The following AFAP1L1 variants were observed in gnomAD, a reference collection of about 807,000 sequenced individuals.
AFAP1L1 encodes the protein actin filament-associated protein 1-like 1.
A neutral mutation model predicts 99.8 loss-of-function variants in AFAP1L1; 77 were observed. The ratio of observed to expected loss-of-function variants is 0.77; its 90% CI spans 0.64 to 0.93. The LOEUF (loss-of-function observed/expected upper bound fraction) is 0.93, where lower values mean the gene tolerates loss of function less well. Among genes scored for constraint, AFAP1L1 ranks in the 40% least tolerant of loss-of-function variants. The probability of loss-of-function intolerance (pLI) is 0.00; values close to 1 mark genes in which losing one functional copy is unlikely to be tolerated. For missense variants in AFAP1L1, 893 were observed against 996.8 expected (o/e 0.90, Z 1.40); for synonymous variants, 373 against 395.3 (o/e 0.94, Z 0.67).
Position 149,342,703 on chromosome 5 carries a change from G to C in AFAP1L1, c.*2673G>C, listed in dbSNP as rs1757588940. Among the ~76,000 whole-genome samples the C allele has an allele frequency of 6.6e-6, 1 of 152,198 alleles. No individual in the cohort carries two copies. Among genetic ancestry groups the C allele is most frequent in the African/African-American group, 2.4e-5 (1 of 41,448 alleles). ...GAAGCGGGTGGATCACTTGAGGTCA[G>C]GAGTTCAAGACCAGCCTGGCCAACA... On this transcript the variant is annotated 3_prime_UTR_variant, in exon 19 of 19. Transcript: ENST00000296721.
rs1464639649 is a variant in AFAP1L1, at chr5:149,342,345, C to G, written c.*2315C>G. On this transcript the variant is annotated 3_prime_UTR_variant, in exon 19 of 19. Transcript: ENST00000296721. Reference sequence around the variant, plus strand: ...AGCTCACAGAGGTCAGGTAACTTGTCCAAGCTCCCATAGTTCTTATATTTA... The same window carrying G: ...AGCTCACAGAGGTCAGGTAACTTGTGCAAGCTCCCATAGTTCTTATATTTA... Among the ~76,000 whole-genome samples the G allele has an allele frequency of 6.6e-6, 1 of 152,180 alleles. No homozygotes were observed. The highest frequency in any genetic ancestry group is 1.5e-5 in the Non-Finnish European group (1 of 68,032).
intron 15 of AFAP1L1, among the ~76,000 whole-genome samples, chr5:149,324,968 G>T (rs1158912057): frequency 6.6e-6 from 1 of 152,182 alleles, no homozygotes; most frequent in African/African-American, 2.4e-5. Context: ...GGTTACACAG[G>T]TCAGCACTGT....
chr5:149,274,614 C>T (rs1050637195), intron 1 of AFAP1L1, among the ~76,000 whole-genome samples: 2 of 152,204 alleles, frequency 1.3e-5, no homozygotes, highest in African/African-American at 4.8e-5. Context: ...CACAGTGGCT[C>T]ACGCCCATAA....
chr5:149,285,501 C>T (rs535520996), intron 1 of AFAP1L1, among the ~76,000 whole-genome samples: 1 of 152,102 alleles, frequency 6.6e-6, no homozygotes, highest in Non-Finnish European at 1.5e-5. Context: ...AATGATGAAA[C>T]CTGCCTGGGT....
At chr5:149,308,943 A>C (rs1756522266) in intron 7 of AFAP1L1, among the ~76,000 whole-genome samples, 1 of 152,068 alleles carries the variant, frequency 6.6e-6, no homozygotes, top group African/African-American at 2.4e-5. Context: ...AAAAAAAAAA[A>C]AAAACCAATG....
intron 1 of AFAP1L1, among the ~76,000 whole-genome samples, chr5:149,297,702 G>C (rs972322035): frequency 8.5e-5 from 13 of 152,100 alleles, no homozygotes; most frequent in Non-Finnish European, 1.9e-4. Flanking sequence ...TCCTAGTGTG[G>C]TCATCTGTTC....
intron 7 of AFAP1L1, among the ~76,000 whole-genome samples, chr5:149,309,060 A>G (rs1756527563): frequency 6.6e-6 from 1 of 152,142 alleles, no homozygotes; most frequent in Non-Finnish European, 1.5e-5. Context: ...GCAGTGAGCT[A>G]TGATCACAGC....
chr5:149,317,050 A>G (rs1756817647), intron 11 of AFAP1L1, among the ~76,000 whole-genome samples: 1 of 152,130 alleles, frequency 6.6e-6, no homozygotes, highest in African/African-American at 2.4e-5. Flanking sequence ...CTGTAATCCC[A>G]GCTACTTGGG....
rs143787310 is a variant in AFAP1L1, at chr5:149,341,866, T to G, written c.*1836T>G. ...GAGGAAATTACTTTTCAGTGTTCTT[T>G]TTTAAAACGTGGATCCTGAAATGTC... On this transcript the variant is annotated 3_prime_UTR_variant, in exon 19 of 19. Transcript: ENST00000296721. The G allele has an allele frequency of 3.3e-5, 5 of 152,366 alleles. No homozygotes were observed. Among genetic ancestry groups the G allele is most frequent in the Middle Eastern group, 3.4e-3 (1 of 294 alleles). The allele number at this position is 152,366 out of a possible 1,614,324, so 9.4% of individuals were successfully genotyped here.
intron 9 of AFAP1L1, 85 bp downstream of exon 9, chr5:149,312,289 G>A (rs754264450): frequency 2.8e-6 from 4 of 1,417,060 alleles, no homozygotes; most frequent in African/African-American, 1.4e-5. Flanking sequence ...AACTGGCTGG[G>A]GGGAAAGTCA....
rs531091542 is a variant in AFAP1L1, at chr5:149,342,378, G to C, written c.*2348G>C. ...CCATAGTTCTTATATTTACATGCTGGTGGAGCCAGCATGTGAATATAAGAA... is the reference window on the plus strand; with the variant it reads ...CCATAGTTCTTATATTTACATGCTGCTGGAGCCAGCATGTGAATATAAGAA... On this transcript the variant is annotated 3_prime_UTR_variant, in exon 19 of 19. Transcript: ENST00000296721. 6.6e-6 allele frequency among the ~76,000 whole-genome samples: 1 copy of C among 152,270 alleles called. No homozygotes were observed. The highest frequency in any genetic ancestry group is 1.9e-4 in the East Asian group (1 of 5,186).
At position 149,320,431 on chromosome 5, in the gene AFAP1L1, G is replaced by A. The variant is rs1756918854; in HGVS notation, c.1666G>A (p.Val556Ile). 6.2e-7 allele frequency: 1 copy of A among 1,614,242 alleles called. No individual in the cohort carries two copies. Among genetic ancestry groups the A allele is most frequent in the Non-Finnish European group, 8.5e-7 (1 of 1,180,050 alleles). ...CCAGAATCAGTGGCCTGAGCCCCGA[G>A]TCTATGATGATGTTCCTTATGAAAA... ...SCQNQWPEPRVYDDVPYEKMQ... is the reference protein window; with the variant it reads ...SCQNQWPEPRIYDDVPYEKMQ... The change falls in exon 14 of 19, where the codon GTC becomes ATC. Residue 556 changes from valine to isoleucine, a missense_variant. Coordinates refer to ENST00000296721, the MANE Select transcript of AFAP1L1 (RefSeq NM_152406.4). This position sits in a 1 kb window ranked among gnomAD's most constrained non-coding sequence, Gnocchi z 4.0.
chr5:149,306,447 C>G (rs760254303), intron 6 of AFAP1L1, 43 bp downstream of exon 6: 1 of 1,549,006 alleles, frequency 6.5e-7, no homozygotes, highest in East Asian at 2.3e-5. Context: ...AGGGCTTCTG[C>G]CCTTGCAAAG....
At chr5:149,313,549 T>C (rs1426117172) in intron 9 of AFAP1L1, among the ~76,000 whole-genome samples, 1 of 152,228 alleles carries the variant, frequency 6.6e-6, no homozygotes, top group Non-Finnish European at 1.5e-5. Flanking sequence ...TTGATGACCA[T>C]GCTGCCCCTC....
At chr5:149,299,159 T>G (rs1397477522) in intron 1 of AFAP1L1, among the ~76,000 whole-genome samples, 4 of 152,092 alleles carry the variant, frequency 2.6e-5, no homozygotes, top group Non-Finnish European at 4.4e-5. Context: ...AGGACCCTGG[T>G]CAAGCAAAGC....
intron 18 of AFAP1L1, among the ~76,000 whole-genome samples, chr5:149,336,022 T>C (rs1757395916): frequency 6.6e-6 from 1 of 152,196 alleles, no homozygotes; most frequent in Admixed American, 6.5e-5. Context: ...TCGAGGACGA[T>C]GGGACTTGCC....
intron 2 of AFAP1L1, 108 bp downstream of exon 2, chr5:149,299,745 C>T (rs1756132475): frequency 2.0e-6 from 3 of 1,479,434 alleles, no homozygotes; most frequent in South Asian, 1.3e-5. Flanking sequence ...CCCCCACCCC[C>T]AGGGGCTGCC....
At chr5:149,278,442 C>T (rs1334188619) in intron 1 of AFAP1L1, among the ~76,000 whole-genome samples, 1 of 152,182 alleles carries the variant, frequency 6.6e-6, no homozygotes, top group East Asian at 1.9e-4. Flanking sequence ...TTGATTGAGC[C>T]TCTACTCCTT....
intron 1 of AFAP1L1, among the ~76,000 whole-genome samples, chr5:149,295,708 C>G (rs1341723201): frequency 6.6e-6 from 1 of 152,206 alleles, no homozygotes; most frequent in Admixed American, 6.5e-5. Flanking sequence ...CTTAGTCGTT[C>G]ATTGGCGGGG....
Sources: allele counts gnomAD v4.1 joint callset (sites outside exome capture counted in the v4.1 genomes callset), GRCh38; gene constraint gnomAD v4.1.1; non-coding constraint Gnocchi (gnomAD v3.1); transcripts MANE v1.5; gene names NCBI Gene and HGNC (gene_info 2026-07-23, HGNC 2026-07-21).